Variants in NRK observed in about 807,000 individuals in gnomAD.
The protein encoded by NRK is nik-related protein kinase.
NRK carries 67 observed loss-of-function variants against 125.2 expected under a neutral mutation model. The ratio of observed to expected loss-of-function variants is 0.54; its 90% CI spans 0.44 to 0.66. The LOEUF is 0.66. NRK is among the 30% of genes least tolerant of loss of function. The probability of loss-of-function intolerance (pLI) is 0.00; values close to 1 mark genes in which losing one functional copy is unlikely to be tolerated. For synonymous variants in NRK, 458 were observed against 429.0 expected, an observed-to-expected ratio of 1.07 and a Z score of -0.84; for missense variants, 1,224 against 1,192.9, an observed-to-expected ratio of 1.03 and a Z score of -0.38.
chrX:105,949,498 G>A, intron 26 of NRK, 77 bp from the exon 27 acceptor site: 1 of 787,492 alleles, frequency 1.3e-6, no homozygotes. Flanking sequence ...GGTCTTTATT[G>A]CTCTGCCAAG....
At chrX:105,889,439 C>T (rs1471531365) in intron 5 of NRK, among the ~76,000 whole-genome samples, 2 of 111,740 alleles carry the variant, frequency 1.8e-5, no homozygotes, top group Non-Finnish European at 3.8e-5. Context: ...ACCTGCCATT[C>T]AGGGTTCTGG....
chrX:105,844,011 G>GTC (rs1288954366), intron 2 of NRK, among the ~76,000 whole-genome samples: 1,047 of 87,195 alleles, frequency 0.012, 13 homozygotes, highest in African/African-American at 0.04. Context: ...GTGTGTGTGT[G>GTC]TGTGTGTCTG....
rs764122599 is a variant in NRK at position 105,934,327 on chromosome X, G to A, written c.3382G>A (p.Glu1128Lys). 3 of 1,193,390 alleles carry A rather than the reference G, an allele frequency of 2.5e-6. No individual in the cohort carries two copies. In the South Asian group the frequency reaches 5.3e-5, roughly 21 times the overall value. The change falls in exon 20 of 29, where the codon GAG becomes AAG. Residue 1128 changes from glutamate (E) to lysine (K), a missense_variant. Transcript: ENST00000243300. Reference protein sequence around the residue: ...SGAAPSAPDHESDNKDISESS... With the variant: ...SGAAPSAPDHKSDNKDISESS... ...TGCTGCACCGTCAGCACCTGATCAT[G>A]AGAGTGACAATAAGGACATATCAGA...
At chrX:105,934,510 C>A in intron 20 of NRK, 66 bp downstream of exon 20, 1 of 643,237 alleles carries the variant, frequency 1.6e-6, no homozygotes, top group Non-Finnish European at 2.4e-6. Context: ...TGTTTAACCA[C>A]TGCTTCATGA....
At chrX:105,901,843 T>C (rs1213054458) in intron 9 of NRK, among the ~76,000 whole-genome samples, 1 of 110,964 alleles carries the variant, frequency 9.0e-6, no homozygotes, top group Non-Finnish European at 1.9e-5. Context: ...GACACATATA[T>C]AAAATTGAAA....
At chrX:105,939,543 T>C (rs2040709021) in intron 22 of NRK, among the ~76,000 whole-genome samples, 1 of 111,168 alleles carries the variant, frequency 9.0e-6, no homozygotes, top group African/African-American at 3.3e-5. Context: ...AGAGGAGTTA[T>C]GACTTCATGA....
intron 20 of NRK, 119 bp from the exon 21 acceptor site, chrX:105,935,051 A>T (rs1243897661): frequency 2.9e-5 from 15 of 519,104 alleles, no homozygotes; most frequent in Middle Eastern, 3.8e-4. Flanking sequence ...GGAGTAATTT[A>T]AAAAAAATTT....
At chrX:105,914,590 A>T (rs1348407936) in intron 14 of NRK, among the ~76,000 whole-genome samples, 1 of 109,758 alleles carries the variant, frequency 9.1e-6, no homozygotes, top group Non-Finnish European at 1.9e-5. Context: ...TCCAGTAGTG[A>T]CAATAAACTT....
At chrX:105,870,996 T>C (rs1054907042) in intron 2 of NRK, among the ~76,000 whole-genome samples, 2 of 111,138 alleles carry the variant, frequency 1.8e-5, no homozygotes, top group African/African-American at 6.5e-5. Context: ...GAAAAAAAAA[T>C]GTAGAAGTAA....
At chrX:105,861,991 A>C (rs189100235) in intron 2 of NRK, among the ~76,000 whole-genome samples, 2 of 112,043 alleles carry the variant, frequency 1.8e-5, no homozygotes, top group East Asian at 5.7e-4. Context: ...TGAACCTGGG[A>C]GGCAGAGGTT....
chrX:105,857,002 A>T (rs759271256), intron 2 of NRK, among the ~76,000 whole-genome samples: 2 of 110,893 alleles, frequency 1.8e-5, no homozygotes, highest in African/African-American at 6.5e-5. Context: ...GGTTCCTAGA[A>T]CCTGTTACAT....
chrX:105,946,441 T>C lies in NRK; in HGVS notation c.4330T>C (p.Ser1444Pro). Reference sequence around the variant, plus strand: ...CATCGATGCAGAATCTGAGGTTATGTCTGATGTGACCCTGCCAAAGAATGT... The same window carrying C: ...CATCGATGCAGAATCTGAGGTTATGCCTGATGTGACCCTGCCAAAGAATGT... ...HLIDAESEVMSDVTLPKNPLE... is the reference protein window; with the variant it reads ...HLIDAESEVMPDVTLPKNPLE... Residue 1444 changes from serine (S) to proline (P), a missense_variant, in exon 26 of 29, where the codon TCT (serine) becomes CCT (proline). Transcript: ENST00000243300. The C allele has an allele frequency of 7.5e-6, 9 of 1,194,369 alleles. No individual in the cohort carries two copies. Among genetic ancestry groups the C allele is most frequent in the Non-Finnish European group, 1.0e-5 (9 of 882,140 alleles).
chrX:105,894,086 G>C (rs1047713586), intron 6 of NRK, 144 bp downstream of exon 6: 3 of 386,078 alleles, frequency 7.8e-6, no homozygotes, highest in Admixed American at 5.0e-5. Flanking sequence ...AGGCCAAAAA[G>C]CTTTTGAGAA....
At position 105,909,511 on chromosome X, in the gene NRK, G is replaced by C. The variant is rs370762401; in HGVS notation, c.1870G>C (p.Ala624Pro). 8.3e-7 allele frequency: 1 copy of C among 1,208,765 alleles called. No homozygotes were observed. Among genetic ancestry groups the C allele is most frequent in the African/African-American group, 1.8e-5 (1 of 57,072 alleles). Residue 624 changes from alanine (A) to proline (P), a missense_variant, in exon 13 of 29, where the codon GCT (alanine) becomes CCT (proline). Physicochemically the swap from Ala to Pro is conservative, Grantham distance 27 (BLOSUM62 -1). Transcript: ENST00000243300. ...AACTGAAGGATCACCTCAGGCACAGGCTTGGACACTAGAACCCCCACAGGC... is the reference window on the plus strand; with the variant it reads ...AACTGAAGGATCACCTCAGGCACAGCCTTGGACACTAGAACCCCCACAGGC... ...GQTEGSPQAQ[A>P]WTLEPPQAIG...
At chrX:105,850,902 A>G (rs189747112) in intron 2 of NRK, among the ~76,000 whole-genome samples, 7 of 111,567 alleles carry the variant, frequency 6.3e-5, no homozygotes, top group Admixed American at 1.9e-4. Flanking sequence ...AACTGTTCCA[A>G]CCTCTGCCTA....
intron 5 of NRK, among the ~76,000 whole-genome samples, chrX:105,893,134 CT>C (rs1234619480): frequency 7.2e-5 from 8 of 111,108 alleles, no homozygotes; most frequent in African/African-American, 2.3e-4. Flanking sequence ...AATAAACTTT[CT>C]GAGAAACTGA....
chrX:105,876,462 A>G (rs1479934297), intron 2 of NRK, among the ~76,000 whole-genome samples: 1 of 110,776 alleles, frequency 9.0e-6, no homozygotes, highest in Non-Finnish European at 1.9e-5. Context: ...ATGAAGCATT[A>G]TTAATCTTGT....
chrX:105,924,943 T>C lies in NRK; in HGVS notation c.3224T>C (p.Leu1075Pro). The change falls in exon 19 of 29, where the codon CTT becomes CCT. Residue 1075 changes from leucine to proline, a missense_variant. Leu to Pro is a moderately conservative substitution (Grantham distance 98, BLOSUM62 -3). Transcript: ENST00000243300. ...CGAACCAGTGAAGAGAGTGGAGCCC[T>C]TGGACTCAATGGAGAAGAAAATTGC... ...VVRTSEESGALGLNGEENCSE... is the reference protein window; with the variant it reads ...VVRTSEESGAPGLNGEENCSE... 1 of 1,210,691 alleles carries C rather than the reference T, an allele frequency of 8.3e-7. No individual in the cohort carries two copies. Among genetic ancestry groups the C allele is most frequent in the Non-Finnish European group, 1.1e-6 (1 of 894,592 alleles).
At chrX:105,853,521 GCA>G (rs1014221737) in intron 2 of NRK, among the ~76,000 whole-genome samples, 2 of 111,705 alleles carry the variant, frequency 1.8e-5, no homozygotes, top group African/African-American at 6.5e-5. Flanking sequence ...ACACGCGCAA[GCA>G]CACACAGACA....
Sources: allele counts gnomAD v4.1 joint callset (sites outside exome capture counted in the v4.1 genomes callset), GRCh38; gene constraint gnomAD v4.1.1; transcripts MANE v1.5; gene names NCBI Gene and HGNC (gene_info 2026-07-23, HGNC 2026-07-21).